The following ZSWIM2 variants were observed in gnomAD, a reference collection of about 807,000 sequenced individuals.
ZSWIM2 encodes the protein zinc finger SWIM-type containing 2.
Under a neutral mutation model 48.4 loss-of-function variants are expected in ZSWIM2, and 38 were observed. The ratio of observed to expected loss-of-function variants is 0.79; its 90% CI spans 0.61 to 1.03. The LOEUF (loss-of-function observed/expected upper bound fraction) is 1.03, where lower values mean the gene tolerates loss of function less well. Ranked by LOEUF, ZSWIM2 falls within the 50% of genes least tolerant of loss-of-function variation. The probability of loss-of-function intolerance (pLI) is 0.00; values close to 1 mark genes in which losing one functional copy is unlikely to be tolerated. For synonymous variants in ZSWIM2, 240 were observed against 251.3 expected, an observed-to-expected ratio of 0.96 and a Z score of 0.42; for missense variants, 776 against 730.2, an observed-to-expected ratio of 1.06 and a Z score of -0.72.
chr2:186,841,495 G>T (rs774055317), intron 3 of ZSWIM2, among the ~76,000 whole-genome samples: 1 of 151,192 alleles, frequency 6.6e-6, no homozygotes, highest in Non-Finnish European at 1.5e-5. Flanking sequence ...CAATACATGG[G>T]GGGGAGACAT....
intron 2 of ZSWIM2, among the ~76,000 whole-genome samples, chr2:186,846,981 C>T (rs1345870992): frequency 1.6e-4 from 24 of 151,302 alleles, no homozygotes. Context: ...AACAATGGGT[C>T]ACATGGACAT....
In ZSWIM2 at chr2:186,832,457, G is replaced by T. The variant is rs907987761; in HGVS notation, c.941+663C>A. 4.6e-5 allele frequency among the ~76,000 whole-genome samples: 7 copies of T among 152,030 alleles called. No individual in the cohort carries two copies. The East Asian group carries it at 1.2e-3, about 25-fold the overall frequency. On this transcript the variant is annotated intron_variant, in intron 7 of 8. Transcript: ENST00000295131. ...GTAATTGAACAGGACTATTGCAAAA[G>T]GTCTGGAGACCTCTCCACTAATAAT... is the stretch of plus-strand genomic sequence containing the variant.
intron 2 of ZSWIM2, 76 bp from the exon 3 acceptor site, chr2:186,844,833 G>T: frequency 8.1e-7 from 1 of 1,228,748 alleles, no homozygotes; most frequent in Non-Finnish European, 1.1e-6. Flanking sequence ...AAAATATTTA[G>T]AATAGAAATT....
intron 3 of ZSWIM2, among the ~76,000 whole-genome samples, chr2:186,843,416 A>AT (rs1691943494): frequency 6.6e-6 from 1 of 151,778 alleles, no homozygotes; most frequent in African/African-American, 2.4e-5. Context: ...AAGTTCAGGC[A>AT]TTGGAAACAA....
At position 186,837,462 on chromosome 2, in the gene ZSWIM2, A is replaced by G. The variant is rs1302457550; in HGVS notation, c.587T>C (p.Leu196Pro). The G allele has an allele frequency of 8.1e-6, 13 of 1,612,700 alleles. No individual in the cohort carries two copies. Among genetic ancestry groups the G allele is most frequent in the Non-Finnish European group, 1.1e-5 (13 of 1,179,234 alleles). ...TAATGGTGCAAACTCTTTCCTGCAC[A>G]GAGGACATTTCAACATGGAAGTGTT... is the stretch of plus-strand genomic sequence containing the variant. ...TSNTSMLKCP[L>P]CRKEFAPLKL... is the part of the protein sequence containing the mutation. The change falls in exon 5 of 9, where the codon CTG (leucine) becomes CCG (proline). Residue 196 changes from leucine to proline, a missense_variant. Physicochemically the swap from Leu to Pro is moderately conservative, Grantham distance 98. Transcript: ENST00000295131.
chr2:186,831,358 TG>T (rs890618254), intron 7 of ZSWIM2, among the ~76,000 whole-genome samples: 1 of 149,818 alleles, frequency 6.7e-6, no homozygotes, highest in African/African-American at 2.5e-5. Flanking sequence ...TGTATACGTG[TG>T]TGGGGGTACA....
chr2:186,831,400 A>ATT (rs1177650983), intron 7 of ZSWIM2, among the ~76,000 whole-genome samples: 2 of 136,006 alleles, frequency 1.5e-5, no homozygotes, highest in Non-Finnish European at 3.0e-5. Flanking sequence ...ATAAATATAT[A>ATT]TTATATATAT....
chr2:186,831,709 G>A (rs1399380101), intron 7 of ZSWIM2, among the ~76,000 whole-genome samples: 2 of 152,048 alleles, frequency 1.3e-5, no homozygotes, highest in African/African-American at 2.4e-5. Context: ...AAAATGATGA[G>A]CTCATGTCCT....
Position 186,828,613 on chromosome 2 carries a change from A to G in ZSWIM2, c.1273T>C (p.Phe425Leu). Residue 425 changes from phenylalanine to leucine, a missense_variant, in exon 9 of 9, where the codon TTT becomes CTT. Coordinates refer to ENST00000295131, the MANE Select transcript of ZSWIM2 (RefSeq NM_182521.3). The stretch of plus-strand genomic sequence containing the variant: ...AAGACTAATCCAGTACCAGGAATAA[A>G]AAGATCTGGTTCTTTCTGCTTTGAT... ...HLSKQKEPDL[F>L]IPGTGLVLKQ... 6.2e-7 allele frequency: 1 copy of G among 1,612,982 alleles called. No homozygotes were observed. Among genetic ancestry groups the G allele is most frequent in the Non-Finnish European group, 8.5e-7 (1 of 1,179,458 alleles).
chr2:186,834,808 T>C (rs1487646795), intron 5 of ZSWIM2, among the ~76,000 whole-genome samples: 1 of 152,158 alleles, frequency 6.6e-6, no homozygotes, highest in Non-Finnish European at 1.5e-5. Flanking sequence ...TCTTCTACTT[T>C]TAAGAACCTG....
rs756521367 is a variant in ZSWIM2, at chr2:186,837,512, G to T, written c.537C>A (p.Ile179=). ...TTGATGTACTCTGATAATTAGCTAAGATCTTCATGCATTTTATATGAATAC... is the reference window on the plus strand; with the variant it reads ...TTGATGTACTCTGATAATTAGCTAATATCTTCATGCATTTTATATGAATAC... ...GNSIHIKCMK[I]LANYQSTSNT... is the part of the protein sequence containing the mutation. The change falls in exon 5 of 9, where the codon ATC becomes ATA. Residue 179 remains isoleucine (I), a synonymous_variant. Coordinates refer to ENST00000295131, the MANE Select transcript of ZSWIM2 (RefSeq NM_182521.3). 4.3e-6 allele frequency: 7 copies of T among 1,611,420 alleles called. No individual in the cohort carries two copies. Among genetic ancestry groups the T allele is most frequent in the Non-Finnish European group, 5.9e-6 (7 of 1,178,512 alleles).
At position 186,828,750 on chromosome 2, in the gene ZSWIM2, C is replaced by A. The variant is rs778184939; in HGVS notation, c.1136G>T (p.Cys379Phe). The A allele has an allele frequency of 6.3e-7, 1 of 1,596,538 alleles. No homozygotes were observed. The highest frequency in any genetic ancestry group is 1.8e-5 in the Admixed American group (1 of 56,878). The change falls in exon 9 of 9, where the codon TGC becomes TTC. Residue 379 changes from cysteine (C) to phenylalanine (F), a missense_variant. Coordinates refer to ENST00000295131, the MANE Select transcript of ZSWIM2 (RefSeq NM_182521.3). ...KCIDNWLFHK[C>F]NSCPIDGQVI... Reference sequence around the variant, plus strand: ...TTGTCCATCAATAGGGCATGAATTGCACTTGTGGAATAACCAGTTGTCAAT... The same window carrying A: ...TTGTCCATCAATAGGGCATGAATTGAACTTGTGGAATAACCAGTTGTCAAT...
At chr2:186,841,207 A>T (rs906964256) in intron 3 of ZSWIM2, among the ~76,000 whole-genome samples, 1 of 151,556 alleles carries the variant, frequency 6.6e-6, no homozygotes, top group Non-Finnish European at 1.5e-5. Flanking sequence ...TTAACTTACC[A>T]GGCATTGATA....
In ZSWIM2 at chr2:186,837,612, G is replaced by GTATATATA. The variant is rs72348328; in HGVS notation, c.495-66_495-59dup. The GTATATATA allele has an allele frequency of 2.0e-3, 971 of 488,046 alleles. 15 individuals are homozygous for GTATATATA. The highest frequency in any genetic ancestry group is 0.019 in the African/African-American group (906 of 47,160). 30.2% of individuals were successfully genotyped at this position (488,046 alleles called of 1,614,324 possible). A position where few individuals can be genotyped will look rare whatever the true frequency, so the allele number is the denominator to read the frequency against. The stretch of plus-strand genomic sequence containing the variant: ...TATAGAGCAGTTTTACATATCCATT[G>GTATATATA]TATATATATATATATATTATATATA... On this transcript the variant is annotated intron_variant, in intron 4 of 8. Transcript: ENST00000295131.
rs1691630026 is a variant in ZSWIM2 at position 186,828,130 on chromosome 2, C to T, written c.1756G>A (p.Ala586Thr). The change falls in exon 9 of 9, where the codon GCT becomes ACT. Residue 586 changes from alanine to threonine, a missense_variant. By Grantham distance (58) the Ala-to-Thr change is moderately conservative. Transcript: ENST00000295131. Reference protein sequence around the residue: ...DFNLIVNWSTAKLSLSKRYSN... With the variant: ...DFNLIVNWSTTKLSLSKRYSN... ...TACCTTTTAGACAAACTAAGTTTAG[C>T]TGTGCTCCAATTGACAATAAGATTG... 13 of 1,613,524 alleles carry T rather than the reference C, an allele frequency of 8.1e-6. No homozygotes were observed. The highest frequency in any genetic ancestry group is 1.1e-5 in the Non-Finnish European group (13 of 1,179,708).
chr2:186,834,505 T>C lies in ZSWIM2; in HGVS notation c.744-475A>G, dbSNP rs1241056604. ...CAGATTCTCATAGGAGTGTGAACCC[T>C]ATTGTGAACTGCGCACATGAGAGAT... On this transcript the variant is annotated intron_variant, in intron 5 of 8. Transcript: ENST00000295131. 2.6e-5 allele frequency among the ~76,000 whole-genome samples: 4 copies of C among 152,222 alleles called. No homozygotes were observed. In the East Asian group the frequency reaches 7.7e-4, roughly 29 times the overall value.
rs1460950546 is a variant in ZSWIM2, at chr2:186,827,533, C to T, written c.*451G>A. ...TTTTCATTTTATGTATAAGAAAACT[C>T]CTTTATGGAGTTTTTTAAGGTTTTT... On this transcript the variant is annotated 3_prime_UTR_variant, in exon 9 of 9. Transcript: ENST00000295131. Among the ~76,000 whole-genome samples, 1 of 148,718 alleles carries T rather than the reference C, an allele frequency of 6.7e-6. No homozygotes were observed. Among genetic ancestry groups the T allele is most frequent in the African/African-American group, 2.4e-5 (1 of 40,942 alleles).
chr2:186,848,344 A>G (rs569182471), intron 1 of ZSWIM2, among the ~76,000 whole-genome samples: 2 of 152,318 alleles, frequency 1.3e-5, no homozygotes, highest in South Asian at 2.1e-4. Context: ...CACGGCACTA[A>G]CGTAAAATTT....
intron 5 of ZSWIM2, 40 bp downstream of exon 5, chr2:186,837,266 A>T: frequency 6.3e-7 from 1 of 1,599,180 alleles, no homozygotes; most frequent in Non-Finnish European, 8.5e-7. Flanking sequence ...GTAAAAAAAT[A>T]AAAAAGAACA....
Sources: allele counts gnomAD v4.1 joint callset (sites outside exome capture counted in the v4.1 genomes callset), GRCh38; gene constraint gnomAD v4.1.1; transcripts MANE v1.5; gene names NCBI Gene and HGNC (gene_info 2026-07-23, HGNC 2026-07-21).